Variants in SMYD3 observed in about 807,000 individuals in gnomAD.
SMYD3 encodes SET and MYND domain containing 3.
A neutral mutation model predicts 57.7 loss-of-function variants in SMYD3; 36 were observed. That is an observed-to-expected ratio of 0.62 (90% CI 0.48 to 0.82). SMYD3 has a LOEUF of 0.82. SMYD3 is among the 40% of genes least tolerant of loss of function. SMYD3 has a pLI of 0.00. For synonymous variants in SMYD3, 211 were observed against 195.0 expected (o/e 1.08, Z -0.68); for missense variants, 515 against 538.8 (o/e 0.96, Z 0.44).
chr1:245,888,197 C>A (rs1282537020), intron 8 of SMYD3, among the ~76,000 whole-genome samples: 1 of 152,152 alleles, frequency 6.6e-6, no homozygotes, highest in Non-Finnish European at 1.5e-5. Context: ...CAATGTCAGT[C>A]TAGGGTCTTA....
At chr1:246,018,758 A>G (rs1174617048) in intron 5 of SMYD3, among the ~76,000 whole-genome samples, 1 of 145,576 alleles carries the variant, frequency 6.9e-6, no homozygotes, top group African/African-American at 2.5e-5. Flanking sequence ...GGTGTGCACC[A>G]CCATGCTGGC....
At chr1:245,756,921 G>C (rs934308316) in intron 11 of SMYD3, among the ~76,000 whole-genome samples, 1 of 151,286 alleles carries the variant, frequency 6.6e-6, no homozygotes. Flanking sequence ...GGTTTATGTC[G>C]CCTGCCAAAT....
At chr1:246,326,678 C>G (rs563894644) in intron 5 of SMYD3, 11 of 310,020 alleles carry the variant, frequency 3.5e-5, no homozygotes, top group African/African-American at 2.0e-4. Context: ...GCATGAGACT[C>G]GCTTGATTCT....
chr1:246,400,433 G>GT (rs1427336207), intron 1 of SMYD3, among the ~76,000 whole-genome samples: 1 of 152,100 alleles, frequency 6.6e-6, no homozygotes, highest in Non-Finnish European at 1.5e-5. Flanking sequence ...ATGGTGTCTT[G>GT]TTAGGTTGCC....
intron 5 of SMYD3, among the ~76,000 whole-genome samples, chr1:246,244,030 T>C (rs751849875): frequency 7.4e-5 from 9 of 121,190 alleles, no homozygotes; most frequent in Non-Finnish European, 1.4e-4. Flanking sequence ...TGTGTATATA[T>C]ATATTTTAAC....
intron 1 of SMYD3, among the ~76,000 whole-genome samples, chr1:246,499,425 CAT>C (rs772985491): frequency 2.5e-4 from 32 of 129,854 alleles, no homozygotes; most frequent in Admixed American, 7.8e-4. Flanking sequence ...CACACACACA[CAT>C]ATATATATTT....
chr1:246,144,522 C>T (rs1182208413), intron 5 of SMYD3, among the ~76,000 whole-genome samples: 2 of 152,130 alleles, frequency 1.3e-5, no homozygotes, highest in East Asian at 3.9e-4. Context: ...CTGTTTTATT[C>T]TTCTAATTAT....
chr1:246,225,321 CAAAAAAAAAAAAAAAAAA>C (rs60915002), intron 5 of SMYD3, among the ~76,000 whole-genome samples: 7,646 of 76,060 alleles, frequency 0.1, 224 homozygotes, highest in East Asian at 0.17. Flanking sequence ...GCTGAAAAGT[CAAAAAAAAAAAAAAAAAA>C]AAAAAAAAAA....
At chr1:245,759,732 G>A (rs920688949) in intron 11 of SMYD3, among the ~76,000 whole-genome samples, 4 of 152,164 alleles carry the variant, frequency 2.6e-5, no homozygotes, top group African/African-American at 2.4e-5. Context: ...AAAATCAAAT[G>A]AGAAGGGAAA....
chr1:245,852,507 A>G (rs536395635), intron 10 of SMYD3, among the ~76,000 whole-genome samples: 1 of 152,230 alleles, frequency 6.6e-6, no homozygotes, highest in Non-Finnish European at 1.5e-5. Flanking sequence ...AGCCAGAGAA[A>G]TCGGTCATAA....
At chr1:245,894,163 A>T (rs1247963472) in intron 8 of SMYD3, among the ~76,000 whole-genome samples, 3 of 152,164 alleles carry the variant, frequency 2.0e-5, no homozygotes, top group African/African-American at 7.2e-5. Context: ...AGCTAGCTAG[A>T]CGTTTGTAAA....
Position 246,194,331 on chromosome 1 carries a change from G to A in SMYD3, c.531+132870C>T, listed in dbSNP as rs980415545. 8.6e-5 allele frequency among the ~76,000 whole-genome samples: 13 copies of A among 151,382 alleles called. No individual in the cohort carries two copies. The East Asian group carries it at 9.7e-4, about 11-fold the overall frequency. The stretch of plus-strand genomic sequence containing the variant: ...CACCCAGGCTGGAGTGCAGTAGTGC[G>A]ATCTCAGCTCACCACAACCTCCCAC... On this transcript the variant is annotated intron_variant, in intron 5 of 11. Transcript: ENST00000490107.
In SMYD3 at chr1:246,507,268, G is replaced by T. The variant is rs1303536341; in HGVS notation, c.-51C>A. On this transcript the variant is annotated 5_prime_UTR_variant, in exon 1 of 12. Coordinates refer to ENST00000490107, the MANE Select transcript of SMYD3 (RefSeq NM_001167740.2). ...CGGCTACCCGCGTCCAGCAGCGGGC[G>T]TCTCACGGGCTGCCGGGACCCGCGC... The T allele has an allele frequency of 4.1e-6, 6 of 1,445,816 alleles. No homozygotes were observed. The African/African-American group carries it at 8.9e-5, about 21-fold the overall frequency. 89.6% of individuals were successfully genotyped at this position (1,445,816 alleles called of 1,614,324 possible).
intron 5 of SMYD3, among the ~76,000 whole-genome samples, chr1:246,136,389 G>T (rs78566932): frequency 0.032 from 4,941 of 152,264 alleles, 279 homozygotes; most frequent in African/African-American, 0.11. Context: ...GACACCTCAT[G>T]GAGGAGCCCG....
intron 5 of SMYD3, among the ~76,000 whole-genome samples, chr1:245,951,715 C>T (rs1002168662): frequency 1.3e-5 from 2 of 151,884 alleles, no homozygotes; most frequent in African/African-American, 4.8e-5. Context: ...ATCACTTCCA[C>T]CAAGAAGAAA....
chr1:246,273,666 C>A (rs544213866), intron 5 of SMYD3, among the ~76,000 whole-genome samples: 9 of 145,868 alleles, frequency 6.2e-5, no homozygotes, highest in African/African-American at 2.3e-4. Context: ...CTCACTGCAA[C>A]CTCTGCCTCC....
At chr1:245,923,292 A>AG (rs1037418783) in intron 7 of SMYD3, among the ~76,000 whole-genome samples, 1 of 151,726 alleles carries the variant, frequency 6.6e-6, no homozygotes. Flanking sequence ...GTAAACATGC[A>AG]GGAAAAAAAA....
chr1:245,787,851 A>C (rs1187265203), intron 10 of SMYD3, among the ~76,000 whole-genome samples: 1 of 152,206 alleles, frequency 6.6e-6, no homozygotes, highest in Non-Finnish European at 1.5e-5. Context: ...CAAACCACGG[A>C]GAGTTGAGCT....
intron 10 of SMYD3, among the ~76,000 whole-genome samples, chr1:245,782,340 C>A (rs1244508760): frequency 6.6e-6 from 1 of 152,116 alleles, no homozygotes; most frequent in African/African-American, 2.4e-5. Context: ...GCCATAAGTA[C>A]TGCTCAAGCA....
Sources: gnomAD v4.1 joint callset for allele counts (sites outside exome capture counted in the v4.1 genomes callset) on GRCh38, gnomAD v4.1.1 for gene constraint, MANE v1.5 for transcripts, NCBI Gene and HGNC (gene_info 2026-07-23, HGNC 2026-07-21) for gene names.